The following IL1RL1 variants were observed in gnomAD, a reference collection of about 807,000 sequenced individuals.
IL1RL1 encodes the protein interleukin-1 receptor-like 1.
A neutral mutation model predicts 50.9 loss-of-function variants in IL1RL1; 32 were observed. That is an observed-to-expected ratio of 0.63 (90% CI 0.47 to 0.84). IL1RL1 has a LOEUF of 0.84. IL1RL1 is among the 40% of genes least tolerant of loss of function. The pLI, the probability that IL1RL1 is intolerant of heterozygous loss-of-function variation, is 0.00. For synonymous variants in IL1RL1, 275 were observed against 236.0 expected (o/e 1.17, Z -1.51); for missense variants, 773 against 662.9 (o/e 1.17, Z -1.82).
intron 1 of IL1RL1, among the ~76,000 whole-genome samples, chr2:102,317,801 A>C (rs1324604509): frequency 1.3e-5 from 2 of 152,138 alleles, no homozygotes; most frequent in Admixed American, 1.3e-4. Context: ...GATTGGGAGC[A>C]CAGGGTTAGT....
At chr2:102,329,991 A>G (rs964258035) in intron 1 of IL1RL1, among the ~76,000 whole-genome samples, 2 of 152,236 alleles carry the variant, frequency 1.3e-5, no homozygotes, top group Admixed American at 6.5e-5. Flanking sequence ...ATTACTGGGT[A>G]TATACCCAAA....
intron 8 of IL1RL1, 29 bp downstream of exon 8, chr2:102,343,444 C>G (rs751577442): frequency 6.2e-7 from 1 of 1,614,146 alleles, no homozygotes; most frequent in East Asian, 2.2e-5. Flanking sequence ...ACTTTGATCA[C>G]CTGAACTTTC....
chr2:102,328,048 A>G lies in IL1RL1; in HGVS notation c.-149-10068A>G, dbSNP rs571774505. 2.0e-3 allele frequency among the ~76,000 whole-genome samples: 305 copies of G among 152,292 alleles called. 2 individuals are homozygous for G. The highest frequency in any genetic ancestry group is 6.6e-3 in the African/African-American group (275 of 41,578). Reference sequence around the variant, plus strand: ...GATACCAAAGCCTGGCAGAGACACAACAAAAAAAGAGAATTTTAGACCAAT... The same window carrying G: ...GATACCAAAGCCTGGCAGAGACACAGCAAAAAAAGAGAATTTTAGACCAAT... On this transcript the variant is annotated intron_variant, in intron 1 of 10. Coordinates refer to ENST00000233954, the MANE Select transcript of IL1RL1 (RefSeq NM_016232.5).
Position 102,329,284 on chromosome 2 carries a change from A to G in IL1RL1, c.-149-8832A>G, listed in dbSNP as rs376065639. ...AGGGTGCTGGGATATCTGGCTAGCC[A>G]TATGTAGAAAGCTGAAACTGGATCC... is the stretch of plus-strand genomic sequence containing the variant. On this transcript the variant is annotated intron_variant, in intron 1 of 10. Coordinates refer to ENST00000233954, the MANE Select transcript of IL1RL1 (RefSeq NM_016232.5). Among the ~76,000 whole-genome samples the G allele has an allele frequency of 1.1e-4, 17 of 152,368 alleles. No homozygotes were observed. In the South Asian group the frequency reaches 1.4e-3, roughly 13 times the overall value.
intron 8 of IL1RL1, chr2:102,345,261 A>G: frequency 1.0e-6 from 1 of 985,450 alleles, no homozygotes; most frequent in African/African-American, 1.7e-5. Flanking sequence ...CTCTGAATGC[A>G]ATGTTGTCTT....
Position 102,347,975 on chromosome 2 carries a change from C to A in IL1RL1, c.1001C>A (p.Ala334Glu). The change falls in exon 9 of 11, where the codon GCA (alanine) becomes GAA (glutamate). Residue 334 changes from alanine (A) to glutamate (E), a missense_variant. Physicochemically the swap from Ala to Glu is moderately radical, Grantham distance 107 (BLOSUM62 -1). Transcript: ENST00000233954. ...CATCATAGCATCTACTGCATAATTG[C>A]AGTATGTAGTGTATTTTTAATGCTA... The part of the protein sequence containing the change: ...IDHHSIYCII[A>E]VCSVFLMLIN... 6.4e-7 allele frequency: 1 copy of A among 1,552,392 alleles called. No individual in the cohort carries two copies. Among genetic ancestry groups the A allele is most frequent in the Non-Finnish European group, 8.9e-7 (1 of 1,123,986 alleles).
intron 1 of IL1RL1, among the ~76,000 whole-genome samples, chr2:102,329,558 C>T (rs916585900): frequency 6.6e-6 from 1 of 152,154 alleles, no homozygotes; most frequent in Non-Finnish European, 1.5e-5. Context: ...AGGCAACTTA[C>T]AGAATGGGAG....
In IL1RL1 at chr2:102,343,846, A is replaced by T. The variant is rs1246654409; in HGVS notation, c.970+431A>T. 8 of 1,012,516 alleles carry T rather than the reference A, an allele frequency of 7.9e-6. No individual in the cohort carries two copies. In the African/African-American group the frequency reaches 1.4e-4, roughly 17 times the overall value. The allele number at this position is 1,012,516 out of a possible 1,614,324, so 62.7% of individuals were successfully genotyped here. A position where few individuals can be genotyped will look rare whatever the true frequency, so the allele number is the denominator to read the frequency against. ...CTTTTTCTGGTCATAATGAACACTC[A>T]TTTTGTTAGCGAGGGTGGTAAAGTG... is the stretch of plus-strand genomic sequence containing the variant. On this transcript the variant is annotated intron_variant, in intron 8 of 10. Coordinates refer to ENST00000233954, the MANE Select transcript of IL1RL1 (RefSeq NM_016232.5).
At chr2:102,326,695 G>T (rs1677010923) in intron 1 of IL1RL1, among the ~76,000 whole-genome samples, 2 of 151,950 alleles carry the variant, frequency 1.3e-5, no homozygotes, top group Non-Finnish European at 2.9e-5. Flanking sequence ...AAAGGCAGGG[G>T]TTGCAATCCT....
chr2:102,330,014 A>T (rs922371934), intron 1 of IL1RL1, among the ~76,000 whole-genome samples: 1 of 152,242 alleles, frequency 6.6e-6, no homozygotes, highest in Admixed American at 6.5e-5. Flanking sequence ...ATTATAAATC[A>T]TGCTGCTATA....
chr2:102,315,342 A>G (rs12996505), intron 1 of IL1RL1, among the ~76,000 whole-genome samples: 73,210 of 152,054 alleles, frequency 0.48, 17,925 homozygotes, highest in Middle Eastern at 0.64. Flanking sequence ...ACTCTGGGGC[A>G]TTATGATCAG....
intron 1 of IL1RL1, among the ~76,000 whole-genome samples, chr2:102,335,376 T>A (rs117310420): frequency 1.6e-5 from 2 of 121,640 alleles, no homozygotes; most frequent in South Asian, 2.6e-4. Flanking sequence ...CTTTTTTTAG[T>A]TGACATTGGG....
intron 3 of IL1RL1, 67 bp from the exon 4 acceptor site, chr2:102,340,031 C>T (rs1573151967): frequency 1.1e-6 from 1 of 914,062 alleles, no homozygotes. Flanking sequence ...TAAGTAAAGG[C>T]TGAATTTAGA....
At chr2:102,312,052 AAT>A (rs1279428375) in intron 1 of IL1RL1, among the ~76,000 whole-genome samples, 6 of 78,104 alleles carry the variant, frequency 7.7e-5, no homozygotes, top group East Asian at 6.1e-4. Flanking sequence ...TTATATATAT[AAT>A]ATATATAACA....
intron 8 of IL1RL1, 72 bp from the exon 9 acceptor site, chr2:102,347,873 C>A: frequency 1.1e-6 from 1 of 882,112 alleles, no homozygotes; most frequent in Non-Finnish European, 1.8e-6. Context: ...CCAAGGGAAG[C>A]CAACATCCAT....
intron 10 of IL1RL1, among the ~76,000 whole-genome samples, chr2:102,350,497 C>G (rs1258835962): frequency 6.6e-6 from 1 of 152,246 alleles, no homozygotes; most frequent in African/African-American, 2.4e-5. Flanking sequence ...AAATGAAACC[C>G]AACAACACCA....
intron 1 of IL1RL1, among the ~76,000 whole-genome samples, chr2:102,331,784 G>A (rs866415554): frequency 3.2e-4 from 48 of 152,246 alleles, no homozygotes; most frequent in African/African-American, 1.1e-3. Context: ...AAATATTTCT[G>A]AGGCTGGGCA....
rs13417232 is a variant in IL1RL1, at chr2:102,313,428, G to A, written c.-150+1805G>A. ...TGGGATTCTCTCTGTTCTTGAATGC[G>A]TTGTTTAGGTGAGGAGATTGATTCC... On this transcript the variant is annotated intron_variant, in intron 1 of 10. Transcript: ENST00000233954. 855 of 152,212 alleles carry A rather than the reference G, an allele frequency of 5.6e-3. 16 individuals carry two copies. The highest frequency in any genetic ancestry group is 0.02 in the African/African-American group (818 of 41,498). The allele number at this position is 152,212 out of a possible 1,614,324, so 9.4% of individuals were successfully genotyped here.
chr2:102,342,046 C>CGTGTGTGTGTGTGTGTGT (rs67962088), intron 5 of IL1RL1, among the ~76,000 whole-genome samples, 177 bp from the exon 6 acceptor site: 2 of 144,068 alleles, frequency 1.4e-5, no homozygotes, highest in African/African-American at 2.6e-5. Flanking sequence ...CTTTCTGTTT[C>CGTGTGTGTGTGTGTGTGT]GTGTGTGTGT....
Sources: allele counts gnomAD v4.1 joint callset (sites outside exome capture counted in the v4.1 genomes callset), GRCh38; gene constraint gnomAD v4.1.1; transcripts MANE v1.5; gene names NCBI Gene and HGNC (gene_info 2026-07-23, HGNC 2026-07-21).